Variants in ATE1 observed in about 807,000 individuals in gnomAD.
ATE1 encodes arginyltransferase 1, also known as arginyl-tRNA--protein transferase 1.
Under a neutral mutation model 70.5 loss-of-function variants are expected in ATE1, and 36 were observed. The ratio of observed to expected loss-of-function variants is 0.51; its 90% CI spans 0.39 to 0.67. The LOEUF is 0.67. Ranked by LOEUF, ATE1 falls within the 30% of genes least tolerant of loss-of-function variation. ATE1 has a pLI of 0.00. For synonymous variants in ATE1, 232 were observed against 219.3 expected, an observed-to-expected ratio of 1.06 and a Z score of -0.51; for missense variants, 593 against 629.5, an observed-to-expected ratio of 0.94 and a Z score of 0.62.
intron 11 of ATE1, among the ~76,000 whole-genome samples, chr10:121,753,821 A>T (rs1280970455): frequency 6.6e-6 from 1 of 152,202 alleles, no homozygotes; most frequent in African/African-American, 2.4e-5. Flanking sequence ...AAAACATGCT[A>T]TTACAGGATT....
At chr10:121,877,763 A>C (rs1451773563) in intron 7 of ATE1, among the ~76,000 whole-genome samples, 2 of 152,184 alleles carry the variant, frequency 1.3e-5, no homozygotes, top group South Asian at 2.1e-4. Flanking sequence ...AAAACACCAT[A>C]TGTTAATGAG....
At chr10:121,881,985 G>C (rs7901899) in intron 7 of ATE1, among the ~76,000 whole-genome samples, 46,031 of 151,898 alleles carry the variant, frequency 0.3, 7,319 homozygotes, top group South Asian at 0.43. Flanking sequence ...TAGTAGAGAT[G>C]GGGTTTTGCC....
intron 11 of ATE1, among the ~76,000 whole-genome samples, chr10:121,747,150 A>G (rs995615286): frequency 6.6e-6 from 1 of 152,232 alleles, no homozygotes; most frequent in Non-Finnish European, 1.5e-5. Context: ...TGCCAGCCAG[A>G]GGGCCTTCAC....
intron 10 of ATE1, among the ~76,000 whole-genome samples, chr10:121,804,062 T>C (rs1027026133): frequency 1.3e-5 from 2 of 152,256 alleles, no homozygotes; most frequent in African/African-American, 2.4e-5. Context: ...ACAGCTTTTG[T>C]GTAGTGCCTA....
intron 10 of ATE1, among the ~76,000 whole-genome samples, chr10:121,821,505 AGACTT>A (rs1947795665): frequency 6.6e-6 from 1 of 152,224 alleles, no homozygotes; most frequent in African/African-American, 2.4e-5. Flanking sequence ...AATGGGCAAA[AGACTT>A]GAAAGACACT....
chr10:121,902,698 A>G (rs1564946415), intron 5 of ATE1, 78 bp from the exon 6 acceptor site: 2 of 1,373,162 alleles, frequency 1.5e-6, no homozygotes, highest in African/African-American at 1.5e-5. Flanking sequence ...AAGATTCTAC[A>G]GTGTAAGTCC....
At chr10:121,853,471 G>C (rs1181170815) in intron 8 of ATE1, among the ~76,000 whole-genome samples, 1 of 151,436 alleles carries the variant, frequency 6.6e-6, no homozygotes, top group African/African-American at 2.4e-5. Context: ...AATGTTCAAA[G>C]GAAATGCATA....
intron 10 of ATE1, among the ~76,000 whole-genome samples, chr10:121,835,629 A>C (rs1356681540): frequency 1.3e-5 from 2 of 152,132 alleles, no homozygotes; most frequent in Non-Finnish European, 2.9e-5. Context: ...AAATAGGAAC[A>C]CTGATCAGAT....
At chr10:121,828,153 A>C (rs1380495954) in intron 10 of ATE1, among the ~76,000 whole-genome samples, 2 of 152,238 alleles carry the variant, frequency 1.3e-5, no homozygotes, top group Non-Finnish European at 2.9e-5. Flanking sequence ...GCATGACTGC[A>C]TGTGGAAATT....
intron 11 of ATE1, among the ~76,000 whole-genome samples, chr10:121,751,470 G>T (rs1314105843): frequency 2.0e-5 from 3 of 152,200 alleles, no homozygotes; most frequent in African/African-American, 7.2e-5. Context: ...ATCCTCATGA[G>T]CACTGCTATT....
chr10:121,849,907 T>G (rs4077606), intron 8 of ATE1, among the ~76,000 whole-genome samples: 89,830 of 151,862 alleles, frequency 0.59, 30,247 homozygotes, highest in South Asian at 0.8. Context: ...TACCATAAAC[T>G]GATTTAACAA....
At position 121,740,535 on chromosome 10, in the gene ATE1, T is replaced by C. The variant is rs1046345486; in HGVS notation, c.*3145A>G. ...ATGCAGTCAAACTTCTTTTGCCTTA[T>C]AGTCATTGGCTTTCTTTTAGAAAAG... On this transcript the variant is annotated 3_prime_UTR_variant, in exon 12 of 12. Transcript: ENST00000224652. 1 of 152,232 alleles carries C rather than the reference T, an allele frequency of 6.6e-6. No individual in the cohort carries two copies. The highest frequency in any genetic ancestry group is 1.5e-5 in the Non-Finnish European group (1 of 68,034). The allele number at this position is 152,232 out of a possible 1,614,324, so 9.4% of individuals were successfully genotyped here.
intron 8 of ATE1, among the ~76,000 whole-genome samples, chr10:121,848,542 C>T (rs1372852854): frequency 3.4e-5 from 5 of 149,074 alleles, no homozygotes; most frequent in East Asian, 2.0e-4. Flanking sequence ...CGCTTGAACC[C>T]GGAATGCAGA....
At chr10:121,905,966 C>T (rs1401986916) in intron 5 of ATE1, among the ~76,000 whole-genome samples, 1 of 152,196 alleles carries the variant, frequency 6.6e-6, no homozygotes, top group African/African-American at 2.4e-5. Context: ...ACTATACCAA[C>T]CCTGCACCCA....
At chr10:121,894,850 G>A (rs1001422605) in intron 7 of ATE1, among the ~76,000 whole-genome samples, 11 of 151,962 alleles carry the variant, frequency 7.2e-5, no homozygotes, top group African/African-American at 1.7e-4. Flanking sequence ...GCAGTGAGCC[G>A]AGATCGCACC....
At chr10:121,857,618 T>C (rs1213396489) in intron 8 of ATE1, among the ~76,000 whole-genome samples, 1 of 152,124 alleles carries the variant, frequency 6.6e-6, no homozygotes, top group African/African-American at 2.4e-5. Flanking sequence ...TAAAGGAAAA[T>C]AAATCATTCT....
At position 121,835,676 on chromosome 10, in the gene ATE1, T is replaced by C. The variant is rs561641975; in HGVS notation, c.1257+1042A>G. 4.6e-5 allele frequency among the ~76,000 whole-genome samples: 7 copies of C among 152,276 alleles called. No individual in the cohort carries two copies. The East Asian group carries it at 1.3e-3, about 29-fold the overall frequency. On this transcript the variant is annotated intron_variant, in intron 10 of 11. Transcript: ENST00000224652. The stretch of plus-strand genomic sequence containing the variant: ...ACGCTGCTAATACTTTCTAGGTATA[T>C]GATGAAATTGTGATTACATTTTCAA...
chr10:121,887,886 A>G (rs1027138613), intron 7 of ATE1, among the ~76,000 whole-genome samples: 6 of 152,224 alleles, frequency 3.9e-5, no homozygotes, highest in Non-Finnish European at 5.9e-5. Flanking sequence ...TAATAAGTGT[A>G]GAAACAATAA....
intron 10 of ATE1, among the ~76,000 whole-genome samples, chr10:121,822,131 C>G (rs995078839): frequency 6.6e-6 from 1 of 152,096 alleles, no homozygotes; most frequent in African/African-American, 2.4e-5. Context: ...TAGCCAAAAC[C>G]TAGAAACAAT....
Sources: gnomAD v4.1 joint callset for allele counts (sites outside exome capture counted in the v4.1 genomes callset) on GRCh38, gnomAD v4.1.1 for gene constraint, MANE v1.5 for transcripts, NCBI Gene and HGNC (gene_info 2026-07-23, HGNC 2026-07-21) for gene names.